Variants in PLD5 observed in about 807,000 individuals in gnomAD.
The protein encoded by PLD5 is inactive phospholipase D5.
Under a neutral mutation model 61.1 loss-of-function variants are expected in PLD5, and 36 were observed. That is an observed-to-expected ratio of 0.59 (90% CI 0.45 to 0.78). The LOEUF (loss-of-function observed/expected upper bound fraction) is 0.78. PLD5 is among the 30% of genes least tolerant of loss of function. The pLI, the probability that PLD5 is intolerant of heterozygous loss-of-function variation, is 0.00. For missense variants in PLD5, 515 were observed against 644.4 expected, an observed-to-expected ratio of 0.80 and a Z score of 2.17; for synonymous variants, 243 against 242.8, an observed-to-expected ratio of 1.00 and a Z score of -0.01.
intron 6 of PLD5, among the ~76,000 whole-genome samples, chr1:242,116,585 G>C (rs1233200905): frequency 6.6e-6 from 1 of 152,032 alleles, no homozygotes; most frequent in African/African-American, 2.4e-5. Context: ...TGCGCTAGTG[G>C]TCCTCAGTGT....
intron 4 of PLD5, among the ~76,000 whole-genome samples, chr1:242,227,396 G>A (rs1005798613): frequency 2.0e-5 from 3 of 151,940 alleles, no homozygotes; most frequent in Non-Finnish European, 4.4e-5. Flanking sequence ...AGAGTGTCTC[G>A]CTCTGTCACC....
At chr1:242,353,326 A>G (rs1412387064) in intron 1 of PLD5, among the ~76,000 whole-genome samples, 9 of 152,166 alleles carry the variant, frequency 5.9e-5, no homozygotes, top group South Asian at 2.1e-4. Flanking sequence ...TCAATTGACC[A>G]CAGATGTGTG....
chr1:242,262,856 G>A (rs1673450344), intron 4 of PLD5, among the ~76,000 whole-genome samples: 1 of 151,904 alleles, frequency 6.6e-6, no homozygotes, highest in Non-Finnish European at 1.5e-5. Flanking sequence ...AGGTGGAGAT[G>A]GTTAGGAAGT....
chr1:242,219,408 A>C (rs961398382), intron 5 of PLD5, among the ~76,000 whole-genome samples: 1 of 152,132 alleles, frequency 6.6e-6, no homozygotes, highest in Non-Finnish European at 1.5e-5. Context: ...TAGTCTTCCT[A>C]AGCATCCAAT....
In PLD5 at chr1:242,461,497, A is replaced by G. The variant is rs116622642; in HGVS notation, c.189+62591T>C. On this transcript the variant is annotated intron_variant, in intron 1 of 9. Transcript: ENST00000536534. The stretch of plus-strand genomic sequence containing the variant: ...GCCTTTTATTTTTAAAAAGTCACAT[A>G]CATACAATAAATAATTTGTCCATTA... 9.8e-3 allele frequency among the ~76,000 whole-genome samples: 1,490 copies of G among 152,362 alleles called. 29 individuals are homozygous for G. The highest frequency in any genetic ancestry group is 0.034 in the African/African-American group (1,420 of 41,582).
intron 2 of PLD5, among the ~76,000 whole-genome samples, chr1:242,319,268 T>C (rs1037538507): frequency 9.2e-5 from 14 of 151,850 alleles, no homozygotes; most frequent in African/African-American, 3.1e-4. Context: ...TCACCTTCAT[T>C]GAAAAAACAC....
intron 1 of PLD5, among the ~76,000 whole-genome samples, chr1:242,481,458 A>G (rs778303045): frequency 2.6e-5 from 4 of 152,160 alleles, no homozygotes; most frequent in Non-Finnish European, 5.9e-5. Flanking sequence ...AGCCTCGCTC[A>G]TTGCTAGCAC....
chr1:242,499,573 G>A (rs544593178), intron 1 of PLD5, among the ~76,000 whole-genome samples: 2 of 151,528 alleles, frequency 1.3e-5, no homozygotes, highest in African/African-American at 2.4e-5. Flanking sequence ...TTCTTACTTC[G>A]CATTTTGTCT....
chr1:242,397,432 C>A (rs548032703), intron 1 of PLD5, among the ~76,000 whole-genome samples: 93 of 151,662 alleles, frequency 6.1e-4, no homozygotes, highest in Non-Finnish European at 1.1e-3. Context: ...TTTATTATCT[C>A]CACTGCTATT....
At chr1:242,213,115 C>T (rs1044297960) in intron 5 of PLD5, among the ~76,000 whole-genome samples, 2 of 152,168 alleles carry the variant, frequency 1.3e-5, no homozygotes, top group South Asian at 2.1e-4. Context: ...TCCCTTCCCC[C>T]GTGGTGATTC....
intron 5 of PLD5, among the ~76,000 whole-genome samples, chr1:242,185,421 A>G (rs1270864048): frequency 6.6e-6 from 1 of 151,822 alleles, no homozygotes; most frequent in African/African-American, 2.4e-5. Context: ...TATGACCAGG[A>G]ATATTAATAA....
At chr1:242,176,837 C>T (rs1227094506) in intron 5 of PLD5, among the ~76,000 whole-genome samples, 1 of 152,176 alleles carries the variant, frequency 6.6e-6, no homozygotes, top group Non-Finnish European at 1.5e-5. Flanking sequence ...TTTATCATCA[C>T]TGGTCATCAA....
chr1:242,177,005 A>G (rs1200394622), intron 5 of PLD5, among the ~76,000 whole-genome samples: 2 of 152,206 alleles, frequency 1.3e-5, no homozygotes, highest in Non-Finnish European at 2.9e-5. Context: ...ATCATTGTGG[A>G]AGACAGTGTG....
intron 5 of PLD5, among the ~76,000 whole-genome samples, chr1:242,195,948 G>A (rs1408947786): frequency 2.0e-5 from 3 of 152,176 alleles, no homozygotes; most frequent in African/African-American, 7.2e-5. Context: ...AGGGGCTGAA[G>A]AGAAGAGGGG....
At chr1:242,242,607 C>T (rs1252215803) in intron 4 of PLD5, among the ~76,000 whole-genome samples, 3 of 152,150 alleles carry the variant, frequency 2.0e-5, no homozygotes, top group African/African-American at 4.8e-5. Flanking sequence ...AATCACGGAT[C>T]GTAGACACAT....
intron 1 of PLD5, among the ~76,000 whole-genome samples, chr1:242,487,584 A>G (rs1390224374): frequency 1.3e-5 from 2 of 152,176 alleles, no homozygotes; most frequent in African/African-American, 2.4e-5. Context: ...TGTTAAAGAT[A>G]CTATCAAGAG....
chr1:242,315,797 G>A (rs1308948195), intron 2 of PLD5, among the ~76,000 whole-genome samples: 1 of 152,152 alleles, frequency 6.6e-6, no homozygotes. Context: ...GCTGCATTCT[G>A]GTTGGGTTAT....
chr1:242,511,236 G>T (rs1237981213), intron 1 of PLD5, among the ~76,000 whole-genome samples: 1 of 152,118 alleles, frequency 6.6e-6, no homozygotes, highest in Admixed American at 6.5e-5. Flanking sequence ...AAATATCCCA[G>T]GGGTCTACGG....
At chr1:242,337,807 A>C (rs548360608) in intron 2 of PLD5, among the ~76,000 whole-genome samples, 5 of 152,292 alleles carry the variant, frequency 3.3e-5, no homozygotes, top group African/African-American at 1.2e-4. Context: ...GCTTGAAGGG[A>C]CAACAGGAAA....
Sources: gnomAD v4.1 joint callset for allele counts (sites outside exome capture counted in the v4.1 genomes callset) on GRCh38, gnomAD v4.1.1 for gene constraint, MANE v1.5 for transcripts, NCBI Gene and HGNC (gene_info 2026-07-23, HGNC 2026-07-21) for gene names.